Variants in MCTP1 observed in about 807,000 individuals in gnomAD.
MCTP1 encodes multiple C2 and transmembrane domain-containing protein 1.
MCTP1 carries 69 observed loss-of-function variants against 120.6 expected under a neutral mutation model. The observed-to-expected ratio is 0.57, with a 90% CI of 0.47 to 0.70. The LOEUF (loss-of-function observed/expected upper bound fraction) is 0.70, where lower values mean the gene tolerates loss of function less well. Among genes scored for constraint, MCTP1 ranks in the 30% least tolerant of loss-of-function variants. MCTP1 has a pLI of 0.00. For missense variants in MCTP1, 1,203 were observed against 1,248.8 expected (o/e 0.96, Z 0.55); for synonymous variants, 529 against 493.1 (o/e 1.07, Z -0.96).
intron 1 of MCTP1, among the ~76,000 whole-genome samples, chr5:95,278,683 C>T (rs1472153160): frequency 6.6e-6 from 1 of 152,098 alleles, no homozygotes; most frequent in African/African-American, 2.4e-5. Context: ...TATTTTCAAG[C>T]CAGGCATGGT....
chr5:94,904,728 A>G (rs1291086650), intron 10 of MCTP1, among the ~76,000 whole-genome samples: 1 of 152,316 alleles, frequency 6.6e-6, no homozygotes, highest in East Asian at 1.9e-4. Flanking sequence ...TTGCCTTTCC[A>G]TTAATGCCTG....
chr5:95,185,326 C>G (rs988298960), intron 1 of MCTP1, among the ~76,000 whole-genome samples: 3 of 152,138 alleles, frequency 2.0e-5, no homozygotes, highest in Non-Finnish European at 4.4e-5. Flanking sequence ...CAATAACATA[C>G]CATGACCAAG....
intron 1 of MCTP1, among the ~76,000 whole-genome samples, chr5:95,047,642 A>T (rs1216406450): frequency 1.3e-5 from 2 of 152,252 alleles, no homozygotes; most frequent in South Asian, 4.1e-4. Context: ...TTCACAGGTA[A>T]ATCCTATGAA....
At chr5:94,844,124 G>A (rs1791736934) in intron 17 of MCTP1, among the ~76,000 whole-genome samples, 1 of 151,908 alleles carries the variant, frequency 6.6e-6, no homozygotes, top group South Asian at 2.1e-4. Context: ...CTAACATGGT[G>A]AAACCCTGTC....
chr5:94,795,391 C>G (rs981921997), intron 18 of MCTP1, among the ~76,000 whole-genome samples: 2 of 152,180 alleles, frequency 1.3e-5, no homozygotes, highest in Non-Finnish European at 2.9e-5. Context: ...ACAGAGCCCA[C>G]GGTGTAATGA....
chr5:94,791,112 C>CAAAAAAAAAAAAAA (rs60394333), intron 18 of MCTP1, among the ~76,000 whole-genome samples: 1 of 99,662 alleles, frequency 1.0e-5, no homozygotes, highest in Admixed American at 1.3e-4. Context: ...GTCTCTACTA[C>CAAAAAAAAAAAAAA]AAAAAAAAAA....
chr5:94,862,349 C>T (rs1795968803), intron 17 of MCTP1, among the ~76,000 whole-genome samples: 1 of 151,736 alleles, frequency 6.6e-6, no homozygotes, highest in African/African-American at 2.4e-5. Context: ...ATGTGATTAT[C>T]TCCCTCCAAA....
rs111691760 is a variant in MCTP1 at position 95,226,693 on chromosome 5, A to C, written c.720+57163T>G. ...ATGTGGGATTTTTCTCTTTTTGAAA[A>C]TATTTACTGTTAAGTAAAAATGCAA... On this transcript the variant is annotated intron_variant, in intron 1 of 22. Coordinates refer to ENST00000515393, the MANE Select transcript of MCTP1 (RefSeq NM_024717.7). 3.0e-3 allele frequency among the ~76,000 whole-genome samples: 461 copies of C among 152,170 alleles called. 4 individuals carry two copies. The highest frequency in any genetic ancestry group is 0.011 in the African/African-American group (447 of 41,518).
intron 1 of MCTP1, among the ~76,000 whole-genome samples, chr5:95,172,463 T>C (rs1747439787): frequency 6.6e-6 from 1 of 152,234 alleles, no homozygotes; most frequent in Non-Finnish European, 1.5e-5. Flanking sequence ...TTCGTATTAC[T>C]TCTAAGACTC....
intron 19 of MCTP1, among the ~76,000 whole-genome samples, chr5:94,754,959 G>A (rs999366808): frequency 3.3e-5 from 5 of 152,028 alleles, no homozygotes; most frequent in African/African-American, 1.2e-4. Context: ...AACTCATTCT[G>A]GGCTGCCAAG....
intron 19 of MCTP1, among the ~76,000 whole-genome samples, chr5:94,743,811 G>A (rs1032905171): frequency 4.7e-5 from 7 of 150,050 alleles, no homozygotes; most frequent in African/African-American, 1.5e-4. Context: ...CTAATTTTTT[G>A]TATATTTTTA....
intron 1 of MCTP1, among the ~76,000 whole-genome samples, chr5:95,170,161 G>A (rs190519633): frequency 9.2e-4 from 140 of 152,238 alleles, no homozygotes; most frequent in African/African-American, 2.3e-3. Context: ...CCTTCATTTC[G>A]TTATGTAGCC....
chr5:94,959,991 G>C (rs1019728371), intron 2 of MCTP1, among the ~76,000 whole-genome samples: 1 of 152,224 alleles, frequency 6.6e-6, no homozygotes, highest in Non-Finnish European at 1.5e-5. Context: ...AACAAAGCTG[G>C]ATGCATCATG....
chr5:95,077,408 AT>A (rs1753837998), intron 1 of MCTP1, among the ~76,000 whole-genome samples: 1 of 151,940 alleles, frequency 6.6e-6, no homozygotes, highest in Admixed American at 6.6e-5. Context: ...GTGTAAATAT[AT>A]ATGTATATAT....
At chr5:95,214,314 G>A (rs1297902896) in intron 1 of MCTP1, among the ~76,000 whole-genome samples, 11 of 152,088 alleles carry the variant, frequency 7.2e-5, no homozygotes, top group African/African-American at 2.7e-4. Context: ...ACCACAATGA[G>A]ATACCATCTC....
At chr5:95,092,529 T>C (rs1416518125) in intron 1 of MCTP1, among the ~76,000 whole-genome samples, 3 of 152,208 alleles carry the variant, frequency 2.0e-5, no homozygotes, top group African/African-American at 4.8e-5. Flanking sequence ...GGATTTTGAA[T>C]GTTCCCAACA....
At chr5:95,165,116 C>A (rs536685710) in intron 1 of MCTP1, among the ~76,000 whole-genome samples, 1 of 152,184 alleles carries the variant, frequency 6.6e-6, no homozygotes, top group South Asian at 2.1e-4. Flanking sequence ...AAATTTAAAC[C>A]CTTGCTGAGT....
intron 1 of MCTP1, among the ~76,000 whole-genome samples, chr5:95,126,611 A>T (rs1380560242): frequency 6.6e-6 from 1 of 152,188 alleles, no homozygotes; most frequent in African/African-American, 2.4e-5. Flanking sequence ...TTGATCCTCT[A>T]GAACTTTGAA....
At chr5:95,266,694 T>C (rs1562289696) in intron 1 of MCTP1, among the ~76,000 whole-genome samples, 1 of 152,226 alleles carries the variant, frequency 6.6e-6, no homozygotes, top group Admixed American at 6.5e-5. Flanking sequence ...ATGGCAGTAA[T>C]GGTTGGATGC....
Sources: allele counts gnomAD v4.1 joint callset (sites outside exome capture counted in the v4.1 genomes callset), GRCh38; gene constraint gnomAD v4.1.1; transcripts MANE v1.5; gene names NCBI Gene and HGNC (gene_info 2026-07-23, HGNC 2026-07-21).